Variants in CYYR1 observed in about 807,000 individuals in gnomAD.
CYYR1 encodes cysteine and tyrosine-rich protein 1.
In CYYR1, 14 loss-of-function variants were observed where a neutral mutation model predicts 15.2. That is an observed-to-expected ratio of 0.92 (90% confidence interval 0.61 to 1.44). The LOEUF (loss-of-function observed/expected upper bound fraction) is 1.44, where lower values mean the gene tolerates loss of function less well. Among genes scored for constraint, CYYR1 ranks in the 40% most tolerant of loss-of-function variants. The pLI is 0.00. For synonymous variants in CYYR1, 80 were observed against 77.4 expected (o/e 1.03, Z -0.18); for missense variants, 228 against 209.5 (o/e 1.09, Z -0.54).
chr21:26,470,348 C>G (rs1350694283), intron 3 of CYYR1, among the ~76,000 whole-genome samples: 2 of 152,012 alleles, frequency 1.3e-5, no homozygotes, highest in Admixed American at 1.3e-4. Context: ...CAGAAAAAAA[C>G]TATGTTTTTG....
intron 2 of CYYR1, among the ~76,000 whole-genome samples, chr21:26,522,049 A>G (rs1415649803): frequency 6.6e-6 from 1 of 152,210 alleles, no homozygotes; most frequent in Non-Finnish European, 1.5e-5. Context: ...GTGTTGTTCC[A>G]TGTGGTATTC....
At chr21:26,542,841 C>T (rs1343416400) in intron 2 of CYYR1, among the ~76,000 whole-genome samples, 1 of 152,060 alleles carries the variant, frequency 6.6e-6, no homozygotes, top group African/African-American at 2.4e-5. Flanking sequence ...CAACAAACAA[C>T]TAGAAAACAA....
chr21:26,552,800 A>G (rs1013818495), intron 2 of CYYR1, among the ~76,000 whole-genome samples: 1 of 152,160 alleles, frequency 6.6e-6, no homozygotes, highest in Non-Finnish European at 1.5e-5. Context: ...TGTGCTAGTC[A>G]TGTTAAATAT....
At chr21:26,570,402 G>A (rs1367417581) in intron 1 of CYYR1, among the ~76,000 whole-genome samples, 1 of 152,168 alleles carries the variant, frequency 6.6e-6, no homozygotes, top group African/African-American at 2.4e-5. Flanking sequence ...AATGGCCCTT[G>A]CAAGCTATAG....
At chr21:26,521,988 A>G (rs1249991142) in intron 2 of CYYR1, among the ~76,000 whole-genome samples, 4 of 152,234 alleles carry the variant, frequency 2.6e-5, no homozygotes, top group African/African-American at 9.6e-5. Flanking sequence ...ATCACCTTAC[A>G]AATGAATTCT....
chr21:26,496,706 G>C (rs575057054), intron 2 of CYYR1, among the ~76,000 whole-genome samples: 9 of 152,076 alleles, frequency 5.9e-5, no homozygotes, highest in African/African-American at 2.4e-5. Flanking sequence ...TCCCAAATGG[G>C]GAGAATACTC....
chr21:26,556,872 G>A (rs1209537349), intron 2 of CYYR1, among the ~76,000 whole-genome samples: 1 of 152,084 alleles, frequency 6.6e-6, no homozygotes, highest in East Asian at 1.9e-4. Context: ...GCAAACAGCA[G>A]GGAATCAAAT....
chr21:26,565,673 A>C (rs1018373012), intron 2 of CYYR1, among the ~76,000 whole-genome samples: 25 of 152,280 alleles, frequency 1.6e-4, no homozygotes, highest in African/African-American at 6.0e-4. Context: ...CAGAGTCTAC[A>C]TGTACATATT....
At chr21:26,472,161 A>G (rs1343628822) in intron 3 of CYYR1, among the ~76,000 whole-genome samples, 5 of 152,208 alleles carry the variant, frequency 3.3e-5, no homozygotes, top group Non-Finnish European at 5.9e-5. Context: ...AGTATGGCCT[A>G]TACTTTTTCA....
chr21:26,488,240 A>ACTTCCCTC (rs2065277783), intron 2 of CYYR1, among the ~76,000 whole-genome samples: 2 of 139,320 alleles, frequency 1.4e-5, no homozygotes, highest in Admixed American at 7.3e-5. Flanking sequence ...ATCTTCCCCT[A>ACTTCCCTC]CTTCCTTCCT....
At chr21:26,560,401 C>A (rs932047263) in intron 2 of CYYR1, among the ~76,000 whole-genome samples, 1 of 152,058 alleles carries the variant, frequency 6.6e-6, no homozygotes, top group African/African-American at 2.4e-5. Context: ...CCTTTCCAGT[C>A]TTTATTACCT....
intron 2 of CYYR1, among the ~76,000 whole-genome samples, chr21:26,554,890 T>C (rs1979658125): frequency 6.6e-6 from 1 of 152,142 alleles, no homozygotes; most frequent in African/African-American, 2.4e-5. Context: ...TGTATTTCCA[T>C]GCCCAGCTTA....
At chr21:26,565,851 A>C (rs1057436644) in intron 2 of CYYR1, among the ~76,000 whole-genome samples, 21 of 152,130 alleles carry the variant, frequency 1.4e-4, no homozygotes, top group Non-Finnish European at 2.5e-4. Flanking sequence ...CCTGACATCT[A>C]CTGGATGTAT....
intron 2 of CYYR1, among the ~76,000 whole-genome samples, chr21:26,527,861 T>A (rs1257385459): frequency 6.6e-6 from 1 of 152,206 alleles, no homozygotes; most frequent in East Asian, 1.9e-4. Context: ...TTCTGCGAAG[T>A]CAGGGATAAT....
At chr21:26,567,502 G>T (rs548270959) in intron 1 of CYYR1, among the ~76,000 whole-genome samples, 9 of 152,190 alleles carry the variant, frequency 5.9e-5, no homozygotes, top group South Asian at 4.1e-4. Context: ...CCACCTAAAT[G>T]ATTTATGTTT....
chr21:26,555,669 A>G (rs1979722900), intron 2 of CYYR1, among the ~76,000 whole-genome samples: 1 of 152,054 alleles, frequency 6.6e-6, no homozygotes, highest in African/African-American at 2.4e-5. Context: ...TGAGGCTTTC[A>G]CCCATAGCAC....
rs1205940482 is a variant in CYYR1 at position 26,466,388 on chromosome 21, T to G, written c.*2113A>C. The G allele has an allele frequency of 2.6e-5, 4 of 152,220 alleles. No individual in the cohort carries two copies. The highest frequency in any genetic ancestry group is 4.4e-5 in the Non-Finnish European group (3 of 68,032). The allele number at this position is 152,220 out of a possible 1,614,324, so 9.4% of individuals were successfully genotyped here. On this transcript the variant is annotated 3_prime_UTR_variant, in exon 4 of 4. Coordinates refer to ENST00000652641, the MANE Select transcript of CYYR1 (RefSeq NM_001320768.2). ...ACTCCAACAGTCTATACTGGTAATG[T>G]GCACATTGATGCTATTATGACACTT...
chr21:26,573,205 G>C lies in CYYR1; in HGVS notation c.-265C>G. On this transcript the variant is annotated 5_prime_UTR_variant, in exon 1 of 4. Coordinates refer to ENST00000652641, the MANE Select transcript of CYYR1 (RefSeq NM_001320768.2). ...AGGTCTCTTTGTCTCGCCCCACTGC[G>C]CTCAGGCGCGGGGAAGGCGGCCACT... The C allele has an allele frequency of 6.9e-7, 1 of 1,440,258 alleles. No individual in the cohort carries two copies. The highest frequency in any genetic ancestry group is 1.2e-5 in the South Asian group (1 of 81,868). 89.2% of individuals were successfully genotyped at this position (1,440,258 alleles called of 1,614,324 possible).
intron 2 of CYYR1, among the ~76,000 whole-genome samples, chr21:26,495,872 A>G (rs769073832): frequency 6.6e-6 from 1 of 152,234 alleles, no homozygotes; most frequent in African/African-American, 2.4e-5. Context: ...TGGAAGCACT[A>G]CTGTGGTGAA....
Sources: allele counts gnomAD v4.1 joint callset (sites outside exome capture counted in the v4.1 genomes callset), GRCh38; gene constraint gnomAD v4.1.1; transcripts MANE v1.5; gene names NCBI Gene and HGNC (gene_info 2026-07-23, HGNC 2026-07-21).